Variants in CCDC178 observed in about 807,000 individuals in gnomAD.
CCDC178 encodes the protein coiled-coil domain containing 178.
A neutral mutation model predicts 117.4 loss-of-function variants in CCDC178; 126 were observed. The observed-to-expected ratio is 1.07, with a 90% CI of 0.93 to 1.24. The LOEUF (loss-of-function observed/expected upper bound fraction) is 1.24. CCDC178 is among the 50% of genes most tolerant of loss of function. CCDC178 has a pLI of 0.00. For synonymous variants in CCDC178, 283 were observed against 313.4 expected (o/e 0.90, Z 1.02); for missense variants, 1,030 against 986.9 (o/e 1.04, Z -0.59).
At chr18:33,300,136 C>T (rs2062158114) in intron 11 of CCDC178, among the ~76,000 whole-genome samples, 1 of 152,162 alleles carries the variant, frequency 6.6e-6, no homozygotes, top group Non-Finnish European at 1.5e-5. Context: ...CTTCCTCCCT[C>T]TCTCTTTCGC....
At chr18:33,116,818 A>G (rs1245718020) in intron 20 of CCDC178, among the ~76,000 whole-genome samples, 1 of 111,060 alleles carries the variant, frequency 9.0e-6, no homozygotes, top group Non-Finnish European at 1.8e-5. Context: ...TACCAGGAAA[A>G]TCTCAGGCCT....
At chr18:33,157,088 C>T (rs2058410200) in intron 20 of CCDC178, among the ~76,000 whole-genome samples, 1 of 152,118 alleles carries the variant, frequency 6.6e-6, no homozygotes, top group South Asian at 2.1e-4. Flanking sequence ...TTAAACATGT[C>T]TGGAAATGCT....
intron 3 of CCDC178, among the ~76,000 whole-genome samples, chr18:33,403,497 A>T (rs1388187403): frequency 6.6e-6 from 1 of 152,158 alleles, no homozygotes; most frequent in Non-Finnish European, 1.5e-5. Flanking sequence ...TCCAAAAAAA[A>T]AAAAAACCGG....
intron 5 of CCDC178, among the ~76,000 whole-genome samples, chr18:33,378,956 T>C (rs1386099514): frequency 6.6e-6 from 1 of 151,728 alleles, no homozygotes; most frequent in Non-Finnish European, 1.5e-5. Flanking sequence ...TTTGTAGAAT[T>C]AGTTTGGGAG....
chr18:33,252,577 T>C (rs2059629509), intron 14 of CCDC178, among the ~76,000 whole-genome samples: 1 of 151,764 alleles, frequency 6.6e-6, no homozygotes, highest in East Asian at 1.9e-4. Context: ...GCAACTCAAA[T>C]TAATAGACTG....
intron 20 of CCDC178, among the ~76,000 whole-genome samples, chr18:33,181,897 C>A (rs2058736663): frequency 6.6e-6 from 1 of 151,768 alleles, no homozygotes; most frequent in African/African-American, 2.4e-5. Context: ...ATCATAAAAT[C>A]TCTTAAGTTA....
At chr18:33,081,840 T>C (rs2145035755) in intron 21 of CCDC178, among the ~76,000 whole-genome samples, 1 of 152,316 alleles carries the variant, frequency 6.6e-6, no homozygotes, top group East Asian at 1.9e-4. Flanking sequence ...TATTTGTTAA[T>C]CAGTGATTTA....
chr18:33,196,377 G>A (rs939447607), intron 20 of CCDC178, among the ~76,000 whole-genome samples: 1 of 152,146 alleles, frequency 6.6e-6, no homozygotes, highest in African/African-American at 2.4e-5. Context: ...ATGAACGGAA[G>A]CTCCGTATTT....
chr18:33,215,789 C>T, intron 18 of CCDC178, 94 bp from the exon 19 acceptor site: 3 of 999,796 alleles, frequency 3.0e-6, no homozygotes, highest in Non-Finnish European at 2.9e-6. Context: ...GTGTGAACAA[C>T]TAAAAGTTAA....
chr18:33,438,695 T>G (rs376281172), intron 2 of CCDC178, among the ~76,000 whole-genome samples: 71 of 152,176 alleles, frequency 4.7e-4, no homozygotes, highest in South Asian at 2.9e-3. Context: ...TATAAAATAA[T>G]CAGTCCAATT....
chr18:32,943,458 C>G (rs188413761), intron 22 of CCDC178, among the ~76,000 whole-genome samples: 17 of 151,522 alleles, frequency 1.1e-4, no homozygotes, highest in African/African-American at 4.1e-4. Context: ...TCTTTTTTTT[C>G]CTAGAATTCA....
intron 20 of CCDC178, among the ~76,000 whole-genome samples, chr18:33,101,427 A>G (rs1045101800): frequency 6.6e-6 from 1 of 151,828 alleles, no homozygotes; most frequent in Non-Finnish European, 1.5e-5. Flanking sequence ...AATGATATAC[A>G]TTTCTACTTC....
chr18:32,974,457 G>A, intron 22 of CCDC178, 90 bp downstream of exon 22: 3 of 1,218,150 alleles, frequency 2.5e-6, no homozygotes, highest in South Asian at 2.6e-5. Flanking sequence ...ACTCTGATGG[G>A]ATATGGTTTT....
chr18:33,293,054 T>C (rs762044996), intron 12 of CCDC178, 105 bp downstream of exon 12: 26 of 705,686 alleles, frequency 3.7e-5, no homozygotes, highest in Non-Finnish European at 5.6e-5. Context: ...ATTGGCTAAA[T>C]ATAAAAAAAT....
At chr18:33,094,966 G>A (rs1281765638) in intron 20 of CCDC178, among the ~76,000 whole-genome samples, 1 of 151,774 alleles carries the variant, frequency 6.6e-6, no homozygotes, top group East Asian at 1.9e-4. Flanking sequence ...GTATTCATTC[G>A]ACACTGAAAA....
At chr18:33,007,981 T>C (rs1388878928) in intron 21 of CCDC178, among the ~76,000 whole-genome samples, 3 of 152,158 alleles carry the variant, frequency 2.0e-5, no homozygotes, top group African/African-American at 7.2e-5. Flanking sequence ...TGGGTAGTGA[T>C]GTATTGGCTT....
intron 6 of CCDC178, among the ~76,000 whole-genome samples, chr18:33,359,259 T>C (rs1476703686): frequency 6.6e-6 from 1 of 151,842 alleles, no homozygotes; most frequent in Admixed American, 6.6e-5. Context: ...TTTATAAAGA[T>C]AAAACATTAT....
At chr18:33,189,996 A>G (rs2058838993) in intron 20 of CCDC178, among the ~76,000 whole-genome samples, 1 of 152,042 alleles carries the variant, frequency 6.6e-6, no homozygotes, top group African/African-American at 2.4e-5. Context: ...GTGCAACCAG[A>G]TCATATGCTG....
chr18:33,362,168 T>C (rs1374738665), intron 6 of CCDC178, among the ~76,000 whole-genome samples: 1 of 96,088 alleles, frequency 1.0e-5, no homozygotes, highest in Non-Finnish European at 2.0e-5. Context: ...TTTATGTGTG[T>C]ATGTCTGTAT....
Sources: gnomAD v4.1 joint callset for allele counts (sites outside exome capture counted in the v4.1 genomes callset) on GRCh38, gnomAD v4.1.1 for gene constraint, MANE v1.5 for transcripts, NCBI Gene and HGNC (gene_info 2026-07-23, HGNC 2026-07-21) for gene names.